The following RSPRY1 variants were observed in gnomAD, a reference collection of about 807,000 sequenced individuals.
RSPRY1 encodes the protein ring finger and SPRY domain containing 1.
RSPRY1 carries 23 observed loss-of-function variants against 73.1 expected under a neutral mutation model. The ratio of observed to expected loss-of-function variants is 0.31; its 90% CI spans 0.23 to 0.45. The LOEUF (loss-of-function observed/expected upper bound fraction) is 0.45. RSPRY1 is among the 20% of genes least tolerant of loss of function. The pLI is 1.00. For missense variants in RSPRY1, 448 were observed against 698.7 expected (o/e 0.64, Z 4.05); for synonymous variants, 226 against 251.4 (o/e 0.90, Z 0.95).
In RSPRY1 at chr16:57,221,326, G is replaced by A; in HGVS notation, c.1072G>A (p.Ala358Thr). The stretch of plus-strand genomic sequence containing the variant: ...TGTGCGTTGCACCTTTTGTGTGGAT[G>A]CCGGGGTATGGTACTATGAAGTAAC... ...ESVRCTFCVD[A>T]GVWYYEVTVV... Residue 358 changes from alanine (A) to threonine (T), a missense_variant, in exon 10 of 15, where the codon GCC becomes ACC. Physicochemically the swap from Ala to Thr is moderately conservative, Grantham distance 58. Coordinates refer to ENST00000394420, the MANE Select transcript of RSPRY1 (RefSeq NM_133368.3). 6.2e-7 allele frequency: 1 copy of A among 1,613,996 alleles called. No homozygotes were observed. The highest frequency in any genetic ancestry group is 8.5e-7 in the Non-Finnish European group (1 of 1,180,002).
intron 5 of RSPRY1, 25 bp from the exon 6 acceptor site, chr16:57,213,863 T>C: frequency 1.3e-6 from 2 of 1,514,262 alleles, no homozygotes; most frequent in African/African-American, 1.4e-5. Flanking sequence ...TTTAATTATA[T>C]CAAGTGTTTG....
chr16:57,194,910 A>G (rs182426878), intron 1 of RSPRY1, among the ~76,000 whole-genome samples: 2 of 152,176 alleles, frequency 1.3e-5, no homozygotes, highest in African/African-American at 4.8e-5. Flanking sequence ...TTATAAAGAC[A>G]GTGAGTACCA....
At chr16:57,211,094 A>G (rs575526853) in intron 4 of RSPRY1, among the ~76,000 whole-genome samples, 48 of 152,336 alleles carry the variant, frequency 3.2e-4, no homozygotes, top group African/African-American at 1.2e-3. Context: ...TTCTCTAAGC[A>G]ATTTCCTCAT....
intron 1 of RSPRY1, among the ~76,000 whole-genome samples, chr16:57,200,553 T>A (rs1420591690): frequency 7.1e-5 from 10 of 140,766 alleles, no homozygotes; most frequent in Non-Finnish European, 1.4e-4. Flanking sequence ...CCTGCCTCCC[T>A]CCCGGATGGG....
chr16:57,205,239 A>C, intron 2 of RSPRY1: 1 of 518,158 alleles, frequency 1.9e-6, no homozygotes, highest in East Asian at 3.3e-5. Flanking sequence ...CTGTAGCAGA[A>C]AACACGATAA....
At chr16:57,207,974 C>T in intron 2 of RSPRY1, 84 bp from the exon 3 acceptor site, 1 of 823,628 alleles carries the variant, frequency 1.2e-6, no homozygotes, top group South Asian at 1.5e-5. Flanking sequence ...TCCCTTTTTA[C>T]CTCCACACCT....
At chr16:57,206,269 A>G (rs956177189) in intron 2 of RSPRY1, among the ~76,000 whole-genome samples, 1 of 152,128 alleles carries the variant, frequency 6.6e-6, no homozygotes, top group Non-Finnish European at 1.5e-5. Context: ...ATCCAGGTAC[A>G]GTGGCACTTG....
intron 10 of RSPRY1, among the ~76,000 whole-genome samples, chr16:57,223,917 A>C (rs1006643530): frequency 5.3e-5 from 8 of 152,206 alleles, no homozygotes; most frequent in Non-Finnish European, 1.2e-4. Flanking sequence ...GAGGAAAATC[A>C]AGTTGAGAGA....
At chr16:57,194,206 T>C (rs1490574999) in intron 1 of RSPRY1, among the ~76,000 whole-genome samples, 1 of 151,944 alleles carries the variant, frequency 6.6e-6, no homozygotes, top group Non-Finnish European at 1.5e-5. Flanking sequence ...CTTTGAAATA[T>C]GTAAAAAAAA....
intron 3 of RSPRY1, 113 bp downstream of exon 3, chr16:57,208,223 C>A: frequency 1.9e-5 from 10 of 516,726 alleles, no homozygotes; most frequent in Non-Finnish European, 2.3e-5. Context: ...TCCAAAAATA[C>A]AGCATACATA....
intron 1 of RSPRY1, among the ~76,000 whole-genome samples, chr16:57,198,991 A>G (rs1289861462): frequency 6.6e-6 from 1 of 152,216 alleles, no homozygotes; most frequent in Non-Finnish European, 1.5e-5. Flanking sequence ...CTAATCCTGG[A>G]CTACTCCCTT....
chr16:57,203,749 TAGTC>T (rs1484792839), intron 1 of RSPRY1, among the ~76,000 whole-genome samples: 4 of 152,350 alleles, frequency 2.6e-5, no homozygotes, highest in South Asian at 2.1e-4. Context: ...ACAAGGTCCT[TAGTC>T]AGTATTTTCA....
chr16:57,208,191 G>A (rs1328564146), intron 3 of RSPRY1, 81 bp downstream of exon 3: 2 of 822,410 alleles, frequency 2.4e-6, no homozygotes, highest in Non-Finnish European at 3.7e-6. Context: ...TTTTTGTTTT[G>A]TTTTGTTTTG....
chr16:57,200,640 G>A (rs1260236963), intron 1 of RSPRY1, among the ~76,000 whole-genome samples: 1 of 143,868 alleles, frequency 7.0e-6, no homozygotes, highest in African/African-American at 2.6e-5. Flanking sequence ...CTCCCGGACG[G>A]GGCGGCTGGC....
At chr16:57,227,571 A>G in intron 11 of RSPRY1, 118 bp downstream of exon 11, 2 of 721,562 alleles carry the variant, frequency 2.8e-6, no homozygotes, top group Non-Finnish European at 2.4e-6. Flanking sequence ...GAAAAGGGAT[A>G]TTAACTTTTG....
intron 12 of RSPRY1, 69 bp from the exon 13 acceptor site, chr16:57,231,098 T>G: frequency 3.4e-6 from 5 of 1,456,952 alleles, no homozygotes; most frequent in Non-Finnish European, 3.8e-6. Context: ...TTCTGAAAAC[T>G]GTTCTATCTA....
intron 11 of RSPRY1, among the ~76,000 whole-genome samples, chr16:57,227,813 C>A (rs1427039555): frequency 6.6e-6 from 1 of 152,074 alleles, no homozygotes; most frequent in Non-Finnish European, 1.5e-5. Context: ...TTTTCAGGGA[C>A]AAGATGGCTA....
At chr16:57,208,929 T>G (rs1328337508) in intron 3 of RSPRY1, 146 bp from the exon 4 acceptor site, 8 of 570,482 alleles carry the variant, frequency 1.4e-5, no homozygotes, top group Non-Finnish European at 2.5e-5. Context: ...TGACTAGCAA[T>G]TGATGATTAT....
At chr16:57,219,453 T>C (rs529829215) in intron 8 of RSPRY1, among the ~76,000 whole-genome samples, 9 of 152,278 alleles carry the variant, frequency 5.9e-5, no homozygotes, top group Non-Finnish European at 1.3e-4. Flanking sequence ...GCCATTTGTA[T>C]GTCTTCCTTT....
Sources: allele counts gnomAD v4.1 joint callset (sites outside exome capture counted in the v4.1 genomes callset), GRCh38; gene constraint gnomAD v4.1.1; transcripts MANE v1.5; gene names NCBI Gene and HGNC (gene_info 2026-07-23, HGNC 2026-07-21).